Variants in ZFAND2A observed in about 807,000 individuals in gnomAD.
ZFAND2A encodes zinc finger AN1-type containing 2A, also known as AN1-type zinc finger protein 2A.
Under a neutral mutation model 11.6 loss-of-function variants are expected in ZFAND2A, and 20 were observed. The ratio of observed to expected loss-of-function variants is 1.72; its 90% CI spans 1.21 to 2.50. The LOEUF is 2.50. Ranked by LOEUF, ZFAND2A falls within the 30% of genes most tolerant of loss-of-function variation. The probability of loss-of-function intolerance (pLI) is 0.00; values close to 1 mark genes in which losing one functional copy is unlikely to be tolerated. For synonymous variants in ZFAND2A, 93 were observed against 60.6 expected (o/e 1.54, Z -2.48); for missense variants, 234 against 182.9 (o/e 1.28, Z -1.61).
downstream of ZFAND2A, among the ~76,000 whole-genome samples, chr7:1,151,401 A>G (rs1301074938): frequency 6.6e-6 from 1 of 152,056 alleles, no homozygotes; most frequent in Non-Finnish European, 1.5e-5. Context: ...AGATAGTCAC[A>G]TCGTTACAGA....
downstream of ZFAND2A, among the ~76,000 whole-genome samples, chr7:1,150,725 G>T (rs116890551): frequency 0.014 from 2,142 of 152,224 alleles, 23 homozygotes; most frequent in Middle Eastern, 0.027. Context: ...GGAAGCCCTA[G>T]TTCCTGCCAT....
chr7:1,155,639 G>GTTT, intron 3 of ZFAND2A, 55 bp from the exon 4 acceptor site: 14 of 1,593,414 alleles, frequency 8.8e-6, no homozygotes, highest in African/African-American at 1.4e-5. Flanking sequence ...TAAACTCACA[G>GTTT]AAGTTTTAAA....
intron 3 of ZFAND2A, among the ~76,000 whole-genome samples, chr7:1,156,743 C>T (rs567161998): frequency 6.6e-6 from 1 of 152,222 alleles, no homozygotes; most frequent in Non-Finnish European, 1.5e-5. Flanking sequence ...CCGTCTACAG[C>T]CCGAGCTGGG....
intron 4 of ZFAND2A, among the ~76,000 whole-genome samples, chr7:1,154,877 T>C (rs1031948233): frequency 3.3e-5 from 5 of 152,100 alleles, no homozygotes; most frequent in Admixed American, 6.5e-5. Context: ...CTCAGCACTT[T>C]GGGAGGCTGA....
chr7:1,158,320 A>G (rs1793581477), intron 1 of ZFAND2A, 63 bp from the exon 2 acceptor site: 2 of 1,005,968 alleles, frequency 2.0e-6, no homozygotes, highest in Admixed American at 1.9e-5. Context: ...CAGGATTTAC[A>G]ATGTAATTAC....
At chr7:1,157,517 G>A in intron 3 of ZFAND2A, 139 bp downstream of exon 3, 2 of 796,018 alleles carry the variant, frequency 2.5e-6, no homozygotes, top group Non-Finnish European at 4.0e-6. Context: ...CTGAAACGAG[G>A]CTAGTGGGAC....
Position 1,160,188 on chromosome 7 carries a change from C to T in ZFAND2A, c.-270G>A, listed in dbSNP as rs1463248878. ...CGCAGCCCCCGGATCTGAGAGCCGT[C>T]TGGGCCTTGGGGTTTCCGGGCGCGC... On this transcript the variant is annotated 5_prime_UTR_variant, in exon 1 of 5. Transcript: ENST00000316495. 14 of 152,300 alleles carry T rather than the reference C, an allele frequency of 9.2e-5. No individual in the cohort carries two copies. The East Asian group carries it at 2.7e-3, about 29-fold the overall frequency. The allele number at this position is 152,300 out of a possible 1,614,324, so 9.4% of individuals were successfully genotyped here.
downstream of ZFAND2A, among the ~76,000 whole-genome samples, chr7:1,151,810 T>G (rs1275549097): frequency 7.1e-6 from 1 of 140,736 alleles, no homozygotes; most frequent in African/African-American, 2.7e-5. Context: ...GGGATTCCCG[T>G]GAAGATGGCC....
chr7:1,156,629 A>G (rs1426346923), intron 3 of ZFAND2A, among the ~76,000 whole-genome samples: 1 of 152,204 alleles, frequency 6.6e-6, no homozygotes, highest in Non-Finnish European at 1.5e-5. Flanking sequence ...CAGCATGGCT[A>G]AAAACCTGAG....
At chr7:1,155,261 T>C (rs977794702) in intron 4 of ZFAND2A, among the ~76,000 whole-genome samples, 192 bp downstream of exon 4, 2 of 152,184 alleles carry the variant, frequency 1.3e-5, no homozygotes, top group Admixed American at 6.5e-5. Flanking sequence ...GGATCCCTCA[T>C]ATTAAAGAAC....
chr7:1,151,479 G>A (rs1563158472), downstream of ZFAND2A, among the ~76,000 whole-genome samples: 3 of 151,988 alleles, frequency 2.0e-5, no homozygotes, highest in Admixed American at 6.6e-5. Context: ...GACCTTAGGT[G>A]ATCCACCCAC....
chr7:1,155,452 C>T lies in ZFAND2A; in HGVS notation c.282+1G>A. Reference sequence around the variant, plus strand: ...GGAACTGAGGCGGGCTCTGTCCTTACCTTCTCTTTCTTCTTCCCAGGGTGA... The same window carrying T: ...GGAACTGAGGCGGGCTCTGTCCTTATCTTCTCTTTCTTCTTCCCAGGGTGA... On this transcript the variant is annotated splice_donor_variant, in intron 4 of 4. Coordinates refer to ENST00000316495, the MANE Select transcript of ZFAND2A (RefSeq NM_182491.4). LOFTEE classifies it high-confidence loss of function. 1.2e-6 allele frequency: 2 copies of T among 1,613,276 alleles called. No homozygotes were observed. Among genetic ancestry groups the T allele is most frequent in the East Asian group, 2.2e-5 (1 of 44,838 alleles).
intron 3 of ZFAND2A, 183 bp downstream of exon 3, chr7:1,157,473 G>A: frequency 1.9e-6 from 1 of 513,774 alleles, no homozygotes; most frequent in Non-Finnish European, 3.4e-6. Context: ...TGTGAGGGCA[G>A]ACACGCTCCT....
At chr7:1,157,523 G>A (rs1007591426) in intron 3 of ZFAND2A, 133 bp downstream of exon 3, 41 of 859,056 alleles carry the variant, frequency 4.8e-5, no homozygotes, top group Non-Finnish European at 6.8e-5. Flanking sequence ...CGAGGCTAGT[G>A]GGACTGAAAA....
downstream of ZFAND2A, chr7:1,152,406 C>T (rs1160777328): frequency 6.9e-7 from 1 of 1,457,388 alleles, no homozygotes; most frequent in African/African-American, 1.4e-5. Flanking sequence ...ACCCACACAG[C>T]TTCCTGCAGG....
chr7:1,157,932 G>A (rs1030178596), intron 2 of ZFAND2A, among the ~76,000 whole-genome samples, 182 bp from the exon 3 acceptor site: 22 of 152,108 alleles, frequency 1.4e-4, no homozygotes, highest in Admixed American at 2.6e-4. Context: ...CTATGGCATC[G>A]CAAGTATTCC....
chr7:1,157,629 G>C (rs773985917), intron 3 of ZFAND2A, 27 bp downstream of exon 3: 1 of 1,570,240 alleles, frequency 6.4e-7, no homozygotes, highest in Non-Finnish European at 8.6e-7. Context: ...GTGAAGATGA[G>C]AATCTTTTGA....
Position 1,158,181 on chromosome 7 carries a change from G to A in ZFAND2A, c.32C>T (p.Ser11Leu), listed in dbSNP as rs1327061052. 1.2e-6 allele frequency: 2 copies of A among 1,614,108 alleles called. No individual in the cohort carries two copies. Among genetic ancestry groups the A allele is most frequent in the Non-Finnish European group, 1.7e-6 (2 of 1,180,016 alleles). Residue 11 changes from serine (S) to leucine (L), a missense_variant, in exon 2 of 5, where the codon TCA becomes TTA. Transcript: ENST00000316495. ...ACCTAGCTGCTTGCAAGTCTTTTCT[G>A]AACAATGCTTCCCCAAATCAGGAAA... MEFPDLGKHC[S>L]EKTCKQLDFL... is the part of the protein sequence containing the mutation.
At chr7:1,156,524 C>A (rs1410822775) in intron 3 of ZFAND2A, among the ~76,000 whole-genome samples, 3 of 68,604 alleles carry the variant, frequency 4.4e-5, no homozygotes, top group African/African-American at 6.7e-5. Flanking sequence ...GCTGGGGGCT[C>A]CGAAGGGGTG....
Sources: gnomAD v4.1 joint callset for allele counts (sites outside exome capture counted in the v4.1 genomes callset) on GRCh38, gnomAD v4.1.1 for gene constraint, MANE v1.5 for transcripts, NCBI Gene and HGNC (gene_info 2026-07-23, HGNC 2026-07-21) for gene names.